The following TFDP2 variants were observed in gnomAD, a reference collection of about 807,000 sequenced individuals.
TFDP2 encodes the protein transcription factor Dp-2 (E2F dimerization partner 2).
In TFDP2, 17 loss-of-function variants were observed where a neutral mutation model predicts 59.3. The observed-to-expected ratio is 0.29, with a 90% CI of 0.20 to 0.43. The LOEUF (loss-of-function observed/expected upper bound fraction) is 0.43, where lower values mean the gene tolerates loss of function less well. Ranked by LOEUF, TFDP2 falls within the 20% of genes least tolerant of loss-of-function variation. The pLI, the probability that TFDP2 is intolerant of heterozygous loss-of-function variation, is 1.00. For missense variants in TFDP2, 391 were observed against 528.8 expected (o/e 0.74, Z 2.56); for synonymous variants, 180 against 194.7 (o/e 0.92, Z 0.63).
At chr3:142,018,027 C>T (rs1221102065) in intron 3 of TFDP2, among the ~76,000 whole-genome samples, 1 of 151,710 alleles carries the variant, frequency 6.6e-6, no homozygotes, top group Non-Finnish European at 1.5e-5. Context: ...ACTGCAACCT[C>T]CGCCTCCTGG....
chr3:142,119,202 AATACTTGAATCT>A (rs1268764872), intron 1 of TFDP2, among the ~76,000 whole-genome samples: 12 of 152,160 alleles, frequency 7.9e-5, no homozygotes, highest in Non-Finnish European at 1.6e-4. Flanking sequence ...CCAGAAATAA[AATACTTGAATCT>A]ATACAATGAA....
intron 3 of TFDP2, among the ~76,000 whole-genome samples, chr3:142,010,523 C>T (rs1323385697): frequency 6.7e-6 from 1 of 149,974 alleles, no homozygotes; most frequent in Non-Finnish European, 1.5e-5. Flanking sequence ...GCAGGAGAAT[C>T]GCTTGAACCC....
intron 1 of TFDP2, among the ~76,000 whole-genome samples, chr3:142,118,283 C>A (rs2061914331): frequency 6.6e-6 from 1 of 152,126 alleles, no homozygotes. Context: ...GGAACTCTGT[C>A]CACAAAATGA....
Position 141,983,283 on chromosome 3 carries a change from C to T in TFDP2, c.357-4601G>A, listed in dbSNP as rs375195254. ...GCAAAAAATGTCTCTAGTTAAAGAA[C>T]ACTAAAAGGCAAAAGGCTATATAAA... On this transcript the variant is annotated intron_variant, in intron 6 of 12. Transcript: ENST00000489671. 2.6e-5 allele frequency among the ~76,000 whole-genome samples: 4 copies of T among 152,178 alleles called. No individual in the cohort carries two copies. The East Asian group carries it at 7.7e-4, about 29-fold the overall frequency.
At chr3:142,017,066 C>T (rs1283689381) in intron 3 of TFDP2, among the ~76,000 whole-genome samples, 3 of 152,312 alleles carry the variant, frequency 2.0e-5, no homozygotes, top group Admixed American at 1.3e-4. Flanking sequence ...TATCCTACGT[C>T]TTATTCCCGT....
chr3:142,044,226 GTTTTTTTTTTTTTT>G (rs142598439), intron 3 of TFDP2: 4 of 115,180 alleles, frequency 3.5e-5, no homozygotes, highest in East Asian at 5.4e-4. Flanking sequence ...CAGCAAAAGG[GTTTTTTTTTTTTTT>G]TTTTTTTTTT....
chr3:142,031,277 C>A (rs984359147), intron 3 of TFDP2, among the ~76,000 whole-genome samples: 1 of 152,184 alleles, frequency 6.6e-6, no homozygotes, highest in African/African-American at 2.4e-5. Context: ...CCCATTCCTT[C>A]CTTCAATAAA....
intron 1 of TFDP2, among the ~76,000 whole-genome samples, chr3:142,112,297 T>A (rs1353155628): frequency 6.6e-6 from 1 of 152,206 alleles, no homozygotes; most frequent in Non-Finnish European, 1.5e-5. Flanking sequence ...ACTATCTATT[T>A]ATCTAGCAGT....
chr3:142,133,607 T>C (rs1019245822), intron 1 of TFDP2, among the ~76,000 whole-genome samples: 3 of 140,684 alleles, frequency 2.1e-5, no homozygotes, highest in Non-Finnish European at 4.4e-5. Flanking sequence ...AAGTGATTCT[T>C]GTGCCTCAGC....
At chr3:142,101,201 G>T (rs546186475) in intron 2 of TFDP2, among the ~76,000 whole-genome samples, 2 of 152,100 alleles carry the variant, frequency 1.3e-5, no homozygotes, top group South Asian at 4.2e-4. Flanking sequence ...AACTTGAAAG[G>T]AGGTATATTC....
At chr3:142,041,536 T>A (rs1013236079) in intron 3 of TFDP2, among the ~76,000 whole-genome samples, 2 of 152,234 alleles carry the variant, frequency 1.3e-5, no homozygotes, top group African/African-American at 4.8e-5. Context: ...GTTCCTCCTT[T>A]GCCTTCTGCC....
chr3:141,996,894 T>C (rs1313088824), intron 4 of TFDP2, among the ~76,000 whole-genome samples: 3 of 152,202 alleles, frequency 2.0e-5, no homozygotes, highest in Non-Finnish European at 2.9e-5. Flanking sequence ...AAGTTAATAA[T>C]ACTGACAGAT....
intron 3 of TFDP2, among the ~76,000 whole-genome samples, chr3:142,018,929 G>GATTTT (rs533593983): frequency 2.4e-5 from 3 of 125,226 alleles, no homozygotes; most frequent in African/African-American, 9.2e-5. Flanking sequence ...TTTTTGGTGA[G>GATTTT]TTTTTTTTTT....
At chr3:141,994,832 G>GTTTTT in intron 5 of TFDP2, 188 bp downstream of exon 5, 1 of 476,928 alleles carries the variant, frequency 2.1e-6, no homozygotes, top group South Asian at 7.0e-5. Flanking sequence ...GTTTTTTTCT[G>GTTTTT]TTTAAAAATA....
intron 3 of TFDP2, among the ~76,000 whole-genome samples, chr3:142,038,122 C>T (rs1401550629): frequency 2.0e-5 from 3 of 152,162 alleles, no homozygotes; most frequent in Admixed American, 1.3e-4. Flanking sequence ...CAGTGGCACA[C>T]GCCTGTAATC....
chr3:142,125,975 A>T lies in TFDP2; in HGVS notation c.-93+23208T>A, dbSNP rs114280939. 2.3e-3 allele frequency among the ~76,000 whole-genome samples: 346 copies of T among 152,240 alleles called. 4 individuals carry two copies. Among genetic ancestry groups the T allele is most frequent in the African/African-American group, 7.8e-3 (324 of 41,554 alleles). The stretch of plus-strand genomic sequence containing the variant: ...GCAAGCAGAAATAACCTAAAGTAAC[A>T]GACATATTTTAAGATATTTTAGATA... On this transcript the variant is annotated intron_variant, in intron 1 of 12. Transcript: ENST00000489671.
rs1936027705 is a variant in TFDP2, at chr3:141,952,461, A to G, written c.*52T>C. The G allele has an allele frequency of 1.4e-6, 2 of 1,451,054 alleles. No individual in the cohort carries two copies. Among genetic ancestry groups the G allele is most frequent in the Non-Finnish European group, 1.8e-6 (2 of 1,100,160 alleles). 89.9% of individuals were successfully genotyped at this position (1,451,054 alleles called of 1,614,324 possible). A position where few individuals can be genotyped will look rare whatever the true frequency, so the allele number is the denominator to read the frequency against. ...AATCATTTCAAAAACAAGAGCTCAC[A>G]CTACAAACACACATGAGCATCACAT... On this transcript the variant is annotated 3_prime_UTR_variant, in exon 13 of 13. Coordinates refer to ENST00000489671, the MANE Select transcript of TFDP2 (RefSeq NM_001178139.2).
chr3:142,094,559 C>T (rs1209423114), intron 2 of TFDP2, among the ~76,000 whole-genome samples: 2 of 152,084 alleles, frequency 1.3e-5, no homozygotes, highest in East Asian at 3.9e-4. Context: ...CCCACCGTAG[C>T]TTCCCAAAGT....
At chr3:142,104,742 T>C (rs1170049281) in intron 1 of TFDP2, among the ~76,000 whole-genome samples, 1 of 152,208 alleles carries the variant, frequency 6.6e-6, no homozygotes, top group Non-Finnish European at 1.5e-5. Flanking sequence ...GGTATATTTA[T>C]ATTTCTTTTT....
Sources: allele counts gnomAD v4.1 joint callset (sites outside exome capture counted in the v4.1 genomes callset), GRCh38; gene constraint gnomAD v4.1.1; transcripts MANE v1.5; gene names NCBI Gene and HGNC (gene_info 2026-07-23, HGNC 2026-07-21).